AK6: variants seen among roughly 807,000 people sequenced by gnomAD.
AK6 encodes the protein adenylate kinase 6, also known as adenylate kinase isoenzyme 6.
Under a neutral mutation model 23.7 loss-of-function variants are expected in AK6, and 24 were observed. That is an observed-to-expected ratio of 1.01 (90% CI 0.73 to 1.43). The LOEUF is 1.43. Ranked by LOEUF, AK6 falls within the 40% of genes most tolerant of loss-of-function variation. The probability of loss-of-function intolerance (pLI) is 0.00; values close to 1 mark genes in which losing one functional copy is unlikely to be tolerated. For missense variants in AK6, 191 were observed against 199.1 expected, an observed-to-expected ratio of 0.96 and a Z score of 0.24; for synonymous variants, 73 against 69.8, an observed-to-expected ratio of 1.05 and a Z score of -0.23.
chr5:69,356,364 G>A (rs1284490142), intron 2 of AK6, among the ~76,000 whole-genome samples: 1 of 150,260 alleles, frequency 6.7e-6, no homozygotes, highest in Non-Finnish European at 1.5e-5. Flanking sequence ...TTTATCAAAA[G>A]CAGTAACAGG....
At chr5:69,355,604 A>G in intron 4 of AK6, 45 bp downstream of exon 4, 1 of 1,525,830 alleles carries the variant, frequency 6.6e-7, no homozygotes. Flanking sequence ...ATCTGAATAA[A>G]AGTTAACATT....
At chr5:69,355,516 G>A (rs974302626) in intron 4 of AK6, 133 bp downstream of exon 4, 7 of 959,496 alleles carry the variant, frequency 7.3e-6, no homozygotes, top group East Asian at 5.4e-5. Flanking sequence ...GGGTGACAGC[G>A]AGACTCTATC....
At chr5:69,359,543 C>T (rs1394488256) in intron 2 of AK6, among the ~76,000 whole-genome samples, 2 of 152,100 alleles carry the variant, frequency 1.3e-5, no homozygotes, top group Non-Finnish European at 2.9e-5. Flanking sequence ...CTGCGCCAGG[C>T]CCCACAAAAT....
intron 2 of AK6, among the ~76,000 whole-genome samples, chr5:69,363,896 T>A (rs1198447219): frequency 1.3e-5 from 2 of 151,960 alleles, no homozygotes; most frequent in East Asian, 1.9e-4. Flanking sequence ...AAGACCAGCC[T>A]GGACAACATG....
chr5:69,354,312 T>C lies in AK6; in HGVS notation c.326+1337A>G, dbSNP rs550716176. Reference sequence around the variant, plus strand: ...CCCAAAACTTTTAATGGCTTTTCACTGCCTAAAAAAGATAAAAGTTTTAGG... The same window carrying C: ...CCCAAAACTTTTAATGGCTTTTCACCGCCTAAAAAAGATAAAAGTTTTAGG... On this transcript the variant is annotated intron_variant, in intron 4 of 4. Transcript: ENST00000380822. Among the ~76,000 whole-genome samples, 182 of 152,282 alleles carry C rather than the reference T, an allele frequency of 1.2e-3. 1 individual carries two copies. Among genetic ancestry groups the C allele is most frequent in the Non-Finnish European group, 2.0e-3 (137 of 68,012 alleles).
chr5:69,363,713 G>A (rs1028357907), intron 2 of AK6, among the ~76,000 whole-genome samples: 4 of 151,836 alleles, frequency 2.6e-5, no homozygotes, highest in African/African-American at 9.7e-5. Context: ...GAACCTGGGA[G>A]GCAGAGCTTG....
Position 69,357,970 on chromosome 5 carries a change from T to C in AK6, c.122-2017A>G, listed in dbSNP as rs73772544. On this transcript the variant is annotated intron_variant, in intron 2 of 4. Transcript: ENST00000380822. ...TTTAAAAATACTATGTAGTATAGAC[T>C]AGGCAGCAACATGATAAATGCTCAC... Among the ~76,000 whole-genome samples the C allele has an allele frequency of 6.1e-3, 925 of 152,280 alleles. 7 individuals are homozygous for C. Among genetic ancestry groups the C allele is most frequent in the African/African-American group, 0.021 (874 of 41,566 alleles).
Position 69,352,345 on chromosome 5 carries a change from T to G in AK6, c.327-92A>C. On this transcript the variant is annotated intron_variant, in intron 4 of 4. Transcript: ENST00000380822. ...ATACCAGAAACTGGACACTTTTCAA[T>G]ACGTGAAAAATTACAGAAATGGTCT... is the stretch of plus-strand genomic sequence containing the variant. The G allele has an allele frequency of 4.1e-6, 4 of 976,858 alleles. No individual in the cohort carries two copies. In the Middle Eastern group the frequency reaches 6.5e-4, roughly 160 times the overall value. The allele number at this position is 976,858 out of a possible 1,614,324, so 60.5% of individuals were successfully genotyped here.
intron 4 of AK6, 70 bp from the exon 5 acceptor site, chr5:69,352,323 C>T (rs1425794973): frequency 1.6e-6 from 2 of 1,249,830 alleles, no homozygotes; most frequent in African/African-American, 3.0e-5. Context: ...CAGAAACATA[C>T]CAGAAACTGG....
At chr5:69,358,115 A>AT (rs1762128900) in intron 2 of AK6, among the ~76,000 whole-genome samples, 3 of 152,168 alleles carry the variant, frequency 2.0e-5, no homozygotes, top group South Asian at 2.1e-4. Flanking sequence ...AGTATTGCAT[A>AT]TTTTTTTAAC....
chr5:69,368,446 A>G (rs1040119204), intron 1 of AK6, among the ~76,000 whole-genome samples: 2 of 152,222 alleles, frequency 1.3e-5, no homozygotes, highest in African/African-American at 4.8e-5. Context: ...ACATGTTTTC[A>G]ATAAAATGTT....
chr5:69,357,864 AAAT>A (rs946989134), intron 2 of AK6, among the ~76,000 whole-genome samples: 2 of 152,126 alleles, frequency 1.3e-5, no homozygotes, highest in African/African-American at 4.8e-5. Flanking sequence ...TAACTTTATA[AAAT>A]ATTATGTAAT....
intron 2 of AK6, among the ~76,000 whole-genome samples, chr5:69,360,101 TA>T (rs1258623511): frequency 6.6e-6 from 1 of 152,178 alleles, no homozygotes; most frequent in African/African-American, 2.4e-5. Context: ...GGCCATTTTA[TA>T]AAGAATCTCC....
intron 2 of AK6, 126 bp downstream of exon 2, chr5:69,366,377 C>A: frequency 1.4e-6 from 1 of 708,452 alleles, no homozygotes. Context: ...GATTCCCTAA[C>A]AGAGTATATA....
chr5:69,360,628 A>C (rs1402505674), intron 2 of AK6, among the ~76,000 whole-genome samples: 1 of 152,058 alleles, frequency 6.6e-6, no homozygotes, highest in African/African-American at 2.4e-5. Flanking sequence ...ATCATGGGGG[A>C]AACAGGTGGA....
At chr5:69,355,376 TAAA>T in intron 4 of AK6, 1 of 340,312 alleles carries the variant, frequency 2.9e-6, no homozygotes, top group Non-Finnish European at 5.3e-6. Flanking sequence ...CTACAAAAAA[TAAA>T]AAAATTAGCC....
At chr5:69,353,860 C>A (rs943407857) in intron 4 of AK6, among the ~76,000 whole-genome samples, 1 of 152,064 alleles carries the variant, frequency 6.6e-6, no homozygotes, top group Non-Finnish European at 1.5e-5. Flanking sequence ...GCCTCAACCT[C>A]CCAGGCTCAA....
intron 1 of AK6, among the ~76,000 whole-genome samples, chr5:69,367,253 C>T (rs1762470726): frequency 6.6e-6 from 1 of 151,914 alleles, no homozygotes; most frequent in African/African-American, 2.4e-5. Context: ...TGGCTCATGC[C>T]TGTAATCACC....
chr5:69,365,468 A>G, intron 2 of AK6: 2 of 1,614,196 alleles, frequency 1.2e-6, no homozygotes, highest in Middle Eastern at 1.6e-4. Context: ...CTAATAAAAA[A>G]TCTCTTGGGG....
Sources: allele counts gnomAD v4.1 joint callset (sites outside exome capture counted in the v4.1 genomes callset), GRCh38; gene constraint gnomAD v4.1.1; transcripts MANE v1.5; gene names NCBI Gene and HGNC (gene_info 2026-07-23, HGNC 2026-07-21).